PRKCH: variants seen among roughly 807,000 people sequenced by gnomAD.
The protein encoded by PRKCH is protein kinase C eta type.
In PRKCH, 28 loss-of-function variants were observed where a neutral mutation model predicts 82.5. That is an observed-to-expected ratio of 0.34 (90% CI 0.25 to 0.47). PRKCH has a LOEUF of 0.47. Among genes scored for constraint, PRKCH ranks in the 20% least tolerant of loss-of-function variants. The probability of loss-of-function intolerance (pLI) is 1.00; values close to 1 mark genes in which losing one functional copy is unlikely to be tolerated. For synonymous variants in PRKCH, 322 were observed against 327.4 expected (o/e 0.98, Z 0.18); for missense variants, 705 against 881.8 (o/e 0.80, Z 2.54).
chr14:61,310,964 GGCCC>G (rs2045519445), intron 1 of PRKCH, among the ~76,000 whole-genome samples: 1 of 152,226 alleles, frequency 6.6e-6, no homozygotes, highest in Non-Finnish European at 1.5e-5. Flanking sequence ...GCTGTATGTT[GGCCC>G]CTTTTAGCCA....
intron 2 of PRKCH, among the ~76,000 whole-genome samples, chr14:61,394,888 C>T (rs1261733942): frequency 1.3e-5 from 2 of 152,160 alleles, no homozygotes; most frequent in Non-Finnish European, 1.5e-5. Context: ...TCCCTTACTG[C>T]AGCAAGAAGC....
intron 6 of PRKCH, among the ~76,000 whole-genome samples, chr14:61,451,317 A>G (rs1235979427): frequency 6.6e-6 from 1 of 152,192 alleles, no homozygotes; most frequent in African/African-American, 2.4e-5. Context: ...CAGGTGAGAC[A>G]CTAAAAAGAA....
intron 9 of PRKCH, among the ~76,000 whole-genome samples, chr14:61,474,741 G>A (rs747043821): frequency 2.6e-5 from 4 of 152,210 alleles, no homozygotes; most frequent in Non-Finnish European, 5.9e-5. Context: ...GGAAGAAATT[G>A]TGGGCATGTC....
intron 1 of PRKCH, among the ~76,000 whole-genome samples, chr14:61,189,569 G>A (rs1209987137): frequency 6.6e-6 from 1 of 151,100 alleles, no homozygotes; most frequent in Non-Finnish European, 1.5e-5. Context: ...AGTAGGGGAG[G>A]CACATTTTCC....
At position 61,346,283 on chromosome 14, in the gene PRKCH, A is replaced by G. The variant is rs147947240; in HGVS notation, c.363+23819A>G. 8.1e-3 allele frequency among the ~76,000 whole-genome samples: 1,241 copies of G among 152,292 alleles called. 15 individuals are homozygous for G. The highest frequency in any genetic ancestry group is 0.029 in the African/African-American group (1,185 of 41,550). ...CTTTTGGATATATCTCCCCTTAAAC[A>G]TTGTGCTGGCTACACTATCCATTTC... On this transcript the variant is annotated intron_variant, in intron 1 of 13. Transcript: ENST00000332981.
At chr14:61,446,545 A>G (rs1173932329) in intron 4 of PRKCH, among the ~76,000 whole-genome samples, 4 of 152,266 alleles carry the variant, frequency 2.6e-5, no homozygotes, top group Non-Finnish European at 5.9e-5. Context: ...ATGTGAGGTA[A>G]AACATTACTT....
chr14:61,351,833 T>A (rs187487691), intron 1 of PRKCH, among the ~76,000 whole-genome samples: 79 of 152,280 alleles, frequency 5.2e-4, no homozygotes, highest in Non-Finnish European at 9.4e-4. Context: ...TGGCAATGGC[T>A]CCTTGCATCT....
At chr14:61,439,763 A>G (rs1237148831) in intron 2 of PRKCH, among the ~76,000 whole-genome samples, 1 of 152,170 alleles carries the variant, frequency 6.6e-6, no homozygotes, top group Admixed American at 6.5e-5. Context: ...AATGGTTGGA[A>G]GGAAAGAGGG....
chr14:61,260,840 T>C (rs903394896), intron 1 of PRKCH, among the ~76,000 whole-genome samples: 5 of 152,100 alleles, frequency 3.3e-5, no homozygotes, highest in Non-Finnish European at 2.9e-5. Flanking sequence ...ATGAAAGACA[T>C]ATCAAAGAAA....
intron 1 of PRKCH, among the ~76,000 whole-genome samples, chr14:61,354,491 TC>T (rs1046727765): frequency 6.6e-6 from 1 of 151,996 alleles, no homozygotes; most frequent in Non-Finnish European, 1.5e-5. Context: ...TTCCTTTTTT[TC>T]CCCCTATATT....
At chr14:61,210,957 A>G (rs1471988388) in intron 1 of PRKCH, among the ~76,000 whole-genome samples, 1 of 152,146 alleles carries the variant, frequency 6.6e-6, no homozygotes, top group Non-Finnish European at 1.5e-5. Context: ...TTAACCCAAA[A>G]GTCCAAGTAA....
chr14:61,237,802 T>C (rs778207477), intron 1 of PRKCH, among the ~76,000 whole-genome samples: 1 of 152,212 alleles, frequency 6.6e-6, no homozygotes, highest in Non-Finnish European at 1.5e-5. Context: ...CTAAAATGTA[T>C]AAAACCAAAC....
chr14:61,195,294 A>G (rs2044432891), intron 1 of PRKCH, among the ~76,000 whole-genome samples: 1 of 152,208 alleles, frequency 6.6e-6, no homozygotes, highest in South Asian at 2.1e-4. Flanking sequence ...ATGCAAATAA[A>G]TTGTTTTCCC....
intron 9 of PRKCH, among the ~76,000 whole-genome samples, chr14:61,477,691 G>A (rs1317765038): frequency 6.6e-6 from 1 of 152,210 alleles, no homozygotes; most frequent in Non-Finnish European, 1.5e-5. Context: ...TTGTTAGTAT[G>A]TTTTGGTTAT....
chr14:61,239,445 T>C (rs1002765425), intron 1 of PRKCH, among the ~76,000 whole-genome samples: 2 of 152,208 alleles, frequency 1.3e-5, no homozygotes, highest in African/African-American at 4.8e-5. Flanking sequence ...TATAGTCTCC[T>C]GTAAACAGGA....
intron 10 of PRKCH, chr14:61,525,116 T>C (rs17256254): frequency 0.1 from 15,457 of 152,216 alleles, 868 homozygotes; most frequent in Non-Finnish European, 0.13. Flanking sequence ...CAGAGCCTTC[T>C]GGAATACAGT....
chr14:61,461,414 C>G (rs926620459), intron 9 of PRKCH, among the ~76,000 whole-genome samples: 1 of 152,312 alleles, frequency 6.6e-6, no homozygotes, highest in Admixed American at 6.5e-5. Context: ...CAAGCGCCAG[C>G]CTCCTGAACA....
chr14:61,191,972 A>G (rs2044409410), intron 1 of PRKCH, among the ~76,000 whole-genome samples: 1 of 152,036 alleles, frequency 6.6e-6, no homozygotes, highest in Non-Finnish European at 1.5e-5. Flanking sequence ...TGGCAGGGAG[A>G]TGGATATTCA....
intron 1 of PRKCH, among the ~76,000 whole-genome samples, chr14:61,343,510 TG>T (rs2045955034): frequency 1.3e-5 from 2 of 152,212 alleles, no homozygotes; most frequent in Admixed American, 1.3e-4. Context: ...CCAGTTGTTC[TG>T]GAGCTGTGAT....
Sources: gnomAD v4.1 joint callset for allele counts (sites outside exome capture counted in the v4.1 genomes callset) on GRCh38, gnomAD v4.1.1 for gene constraint, MANE v1.5 for transcripts, NCBI Gene and HGNC (gene_info 2026-07-23, HGNC 2026-07-21) for gene names.